The following NCOA5 variants were observed in gnomAD, a reference collection of about 807,000 sequenced individuals.
The protein encoded by NCOA5 is NCoA-5.
Under a neutral mutation model 59.0 loss-of-function variants are expected in NCOA5, and 12 were observed. The ratio of observed to expected loss-of-function variants is 0.20; its 90% CI spans 0.13 to 0.33. The LOEUF is 0.33. Among genes scored for constraint, NCOA5 ranks in the 10% least tolerant of loss-of-function variants. The probability of loss-of-function intolerance (pLI) is 1.00; values close to 1 mark genes in which losing one functional copy is unlikely to be tolerated. For missense variants in NCOA5, 655 were observed against 766.6 expected, an observed-to-expected ratio of 0.85 and a Z score of 1.72; for synonymous variants, 270 against 275.5, an observed-to-expected ratio of 0.98 and a Z score of 0.20.
At chr20:46,076,739 T>C (rs767402137) in intron 2 of NCOA5, among the ~76,000 whole-genome samples, 3 of 152,126 alleles carry the variant, frequency 2.0e-5, no homozygotes, top group Non-Finnish European at 4.4e-5. Context: ...AAGGGGAAGA[T>C]GGATTGTTAA....
rs367969837 is a variant in NCOA5 at position 46,070,550 on chromosome 20, C to G, written c.39-14G>C. The G allele has an allele frequency of 2.5e-6, 4 of 1,606,152 alleles. No individual in the cohort carries two copies. Among genetic ancestry groups the G allele is most frequent in the Non-Finnish European group, 3.4e-6 (4 of 1,174,816 alleles). On this transcript the variant is annotated splice_polypyrimidine_tract_variant and intron_variant, in intron 2 of 7. Coordinates refer to ENST00000290231, the MANE Select transcript of NCOA5 (RefSeq NM_020967.3). ...CCATATGGATCCCTGTGGGAGGTAGCAAGAAAATGCTAAGACAAAGAAATT... is the reference window on the plus strand; with the variant it reads ...CCATATGGATCCCTGTGGGAGGTAGGAAGAAAATGCTAAGACAAAGAAATT...
At chr20:46,077,079 G>A (rs62215598) in intron 2 of NCOA5, among the ~76,000 whole-genome samples, 28,500 of 151,982 alleles carry the variant, frequency 0.19, 2,850 homozygotes, top group South Asian at 0.29. Flanking sequence ...CATGACGCCC[G>A]GCTATTTTTT....
chr20:46,065,264 C>G, intron 5 of NCOA5, 36 bp from the exon 6 acceptor site: 1 of 1,602,238 alleles, frequency 6.2e-7, no homozygotes, highest in South Asian at 1.1e-5. Context: ...GAGCGACCAA[C>G]TCCAAATCTG....
chr20:46,076,688 T>A (rs1030763924), intron 2 of NCOA5, among the ~76,000 whole-genome samples: 12 of 152,014 alleles, frequency 7.9e-5, no homozygotes, highest in African/African-American at 2.4e-4. Flanking sequence ...CTTCATCATG[T>A]TAAATAACAT....
Position 46,070,392 on chromosome 20 carries a change from C to G in NCOA5, c.183G>C (p.Arg61=). ...GCAAATCTCTACTATGTCTGTGGTC[C>G]CGCAAGTCTCGGGGGTCTCGAATGT... ...SRDIRDPRDL[R]DHRHSRDLRD... The change falls in exon 3 of 8, where the codon CGG becomes CGC. Residue 61 remains arginine (R), a synonymous_variant. Transcript: ENST00000290231. 1 of 1,613,938 alleles carries G rather than the reference C, an allele frequency of 6.2e-7. No individual in the cohort carries two copies. Among genetic ancestry groups the G allele is most frequent in the South Asian group, 1.1e-5 (1 of 91,046 alleles).
intron 5 of NCOA5, among the ~76,000 whole-genome samples, 176 bp downstream of exon 5, chr20:46,066,879 T>C (rs2084829874): frequency 6.6e-6 from 1 of 152,202 alleles, no homozygotes; most frequent in African/African-American, 2.4e-5. Context: ...AAAATGTCCC[T>C]TTTGGCCTCA....
chr20:46,060,995 T>C lies in NCOA5; in HGVS notation c.*1305A>G, dbSNP rs1476025149. ...AAAGATGAACAAAGCTTTTACTTTTTTCATTTTAATTAAAAAGTAATCATT... is the reference window on the plus strand; with the variant it reads ...AAAGATGAACAAAGCTTTTACTTTTCTCATTTTAATTAAAAAGTAATCATT... On this transcript the variant is annotated 3_prime_UTR_variant, in exon 8 of 8. Coordinates refer to ENST00000290231, the MANE Select transcript of NCOA5 (RefSeq NM_020967.3). 6.6e-6 allele frequency: 1 copy of C among 152,208 alleles called. No individual in the cohort carries two copies. The highest frequency in any genetic ancestry group is 1.9e-4 in the East Asian group (1 of 5,202). 9.4% of individuals were successfully genotyped at this position (152,208 alleles called of 1,614,324 possible).
At chr20:46,078,787 G>C (rs1460212966) in intron 2 of NCOA5, among the ~76,000 whole-genome samples, 1 of 152,072 alleles carries the variant, frequency 6.6e-6, no homozygotes, top group Non-Finnish European at 1.5e-5. Flanking sequence ...TGTATACACC[G>C]GAAGGAAGAA....
rs115203280 is a variant in NCOA5 at position 46,084,574 on chromosome 20, T to C, written c.-29-5121A>G. Among the ~76,000 whole-genome samples, 384 of 152,372 alleles carry C rather than the reference T, an allele frequency of 2.5e-3. 4 individuals are homozygous for C. The highest frequency in any genetic ancestry group is 8.8e-3 in the African/African-American group (365 of 41,592). On this transcript the variant is annotated intron_variant, in intron 1 of 7. Transcript: ENST00000290231. Reference sequence around the variant, plus strand: ...TCCGACAAAAATTATCAACATTTAATTTCCTACCTTTCTTATTCTTTTAAG... The same window carrying C: ...TCCGACAAAAATTATCAACATTTAACTTCCTACCTTTCTTATTCTTTTAAG...
intron 4 of NCOA5, 46 bp downstream of exon 4, chr20:46,068,456 A>C (rs779225619): frequency 6.4e-7 from 1 of 1,562,396 alleles, no homozygotes; most frequent in Admixed American, 2.0e-5. Flanking sequence ...TCTCTTTTGT[A>C]AAGTGTTCTA....
At chr20:46,087,205 C>T (rs746393786) in intron 1 of NCOA5, among the ~76,000 whole-genome samples, 2 of 152,160 alleles carry the variant, frequency 1.3e-5, no homozygotes, top group Non-Finnish European at 2.9e-5. Flanking sequence ...CAGGAATAGA[C>T]GTTTCATTCT....
intron 2 of NCOA5, among the ~76,000 whole-genome samples, chr20:46,073,307 G>A: frequency 6.6e-6 from 1 of 152,150 alleles, no homozygotes; most frequent in East Asian, 1.9e-4. Context: ...AAAAATATTT[G>A]TTATATATTC....
In NCOA5 at chr20:46,070,201, CG is replaced by C; in HGVS notation, c.365+8del. The C allele has an allele frequency of 1.2e-6, 2 of 1,602,782 alleles. No individual in the cohort carries two copies. Among genetic ancestry groups the C allele is most frequent in the Non-Finnish European group, 1.7e-6 (2 of 1,171,010 alleles). On this transcript the variant is annotated splice_region_variant and intron_variant, in intron 3 of 7. Transcript: ENST00000290231. ...CAGGAAAAAACAAGCAGAGTAACTA[CG>C]TATGTACCTGTACATAGGATCTCGG...
chr20:46,067,423 T>C (rs758060577), intron 4 of NCOA5, among the ~76,000 whole-genome samples: 5 of 152,248 alleles, frequency 3.3e-5, no homozygotes, highest in African/African-American at 9.6e-5. Flanking sequence ...AGAAGGCTGA[T>C]ACTAATTTAT....
At chr20:46,065,769 T>C (rs1473849176) in intron 5 of NCOA5, among the ~76,000 whole-genome samples, 1 of 152,206 alleles carries the variant, frequency 6.6e-6, no homozygotes, top group East Asian at 1.9e-4. Flanking sequence ...TCTCTTCTCA[T>C]AGGACTCATC....
At chr20:46,074,159 G>A (rs1320436778) in intron 2 of NCOA5, among the ~76,000 whole-genome samples, 1 of 152,148 alleles carries the variant, frequency 6.6e-6, no homozygotes, top group Non-Finnish European at 1.5e-5. Flanking sequence ...AAACCCTTTA[G>A]GGTTGCTTTA....
chr20:46,065,722 T>C (rs566045639), intron 5 of NCOA5, among the ~76,000 whole-genome samples: 88 of 152,332 alleles, frequency 5.8e-4, no homozygotes, highest in African/African-American at 2.1e-3. Context: ...CGTCATTTTT[T>C]TGACCTTCCC....
chr20:46,080,730 G>A (rs1014151854), intron 1 of NCOA5, among the ~76,000 whole-genome samples: 9 of 151,932 alleles, frequency 5.9e-5, no homozygotes, highest in Admixed American at 1.3e-4. Flanking sequence ...ATAATATAAA[G>A]CTAAATAGTG....
chr20:46,075,519 C>T (rs539242639), intron 2 of NCOA5, among the ~76,000 whole-genome samples: 49 of 152,280 alleles, frequency 3.2e-4, no homozygotes, highest in Non-Finnish European at 6.2e-4. Context: ...AAAGAGATAC[C>T]AGGTTTAACA....
Sources: allele counts gnomAD v4.1 joint callset (sites outside exome capture counted in the v4.1 genomes callset), GRCh38; gene constraint gnomAD v4.1.1; transcripts MANE v1.5; gene names NCBI Gene and HGNC (gene_info 2026-07-23, HGNC 2026-07-21).